CUBN: variants seen among roughly 807,000 people sequenced by gnomAD.
The protein encoded by CUBN is cubilin.
CUBN carries 282 observed loss-of-function variants against 405.3 expected under a neutral mutation model. The observed-to-expected ratio is 0.70, with a 90% CI of 0.63 to 0.77. The LOEUF (loss-of-function observed/expected upper bound fraction) is 0.77. Ranked by LOEUF, CUBN falls within the 30% of genes least tolerant of loss-of-function variation. CUBN has a pLI of 0.00. For synonymous variants in CUBN, 1,684 were observed against 1,617.0 expected (o/e 1.04, Z -0.99); for missense variants, 4,514 against 4,475.2 (o/e 1.01, Z -0.25).
At chr10:17,121,601 A>G (rs955323242) in intron 6 of CUBN, among the ~76,000 whole-genome samples, 1 of 151,582 alleles carries the variant, frequency 6.6e-6, no homozygotes, top group African/African-American at 2.4e-5. Context: ...ATGCTAAATG[A>G]CGAGTTAATG....
intron 46 of CUBN, 101 bp downstream of exon 46, chr10:16,915,720 T>C (rs1841864180): frequency 6.4e-6 from 6 of 938,368 alleles, no homozygotes; most frequent in South Asian, 1.4e-5. Context: ...CTGCAGAGTA[T>C]AGATGTGCTT....
intron 62 of CUBN, among the ~76,000 whole-genome samples, chr10:16,838,645 TTTG>T (rs1002033021): frequency 6.6e-5 from 10 of 152,220 alleles, no homozygotes; most frequent in Non-Finnish European, 1.5e-4. Flanking sequence ...CAAAATGGAT[TTTG>T]TTGTTGTTGT....
chr10:16,954,479 G>A lies in CUBN; in HGVS notation c.4765C>T (p.Pro1589Ser). ...RTCGREQLAN[P>S]IVSSGNSLFL... is the part of the protein sequence containing the mutation. ...AGGCTGTTTCCTGAGGAGACGATGG[G>A]GTTAGCCAGCTGCTCCCTTCCACAC... Residue 1589 changes from proline to serine, a missense_variant, in exon 32 of 67, where the codon CCC becomes TCC. Physicochemically the swap from Pro to Ser is moderately conservative, Grantham distance 74 (BLOSUM62 -1). Coordinates refer to ENST00000377833, the MANE Select transcript of CUBN (RefSeq NM_001081.4). The A allele has an allele frequency of 6.2e-7, 1 of 1,614,064 alleles. No homozygotes were observed. The highest frequency in any genetic ancestry group is 1.7e-5 in the Admixed American group (1 of 59,978).
At chr10:16,844,296 A>T (rs542877839) in intron 60 of CUBN, among the ~76,000 whole-genome samples, 3 of 150,842 alleles carry the variant, frequency 2.0e-5, no homozygotes, top group Non-Finnish European at 2.9e-5. Context: ...GACCTTCCAG[A>T]CCTACAAAAC....
chr10:16,837,803 A>G (rs1021715159), intron 62 of CUBN, among the ~76,000 whole-genome samples: 1 of 152,126 alleles, frequency 6.6e-6, no homozygotes, highest in Admixed American at 6.5e-5. Flanking sequence ...GAAACCCTTG[A>G]TTGTTTCCTG....
At chr10:16,911,606 TTTTA>T (rs1841737030) in intron 48 of CUBN, among the ~76,000 whole-genome samples, 1 of 152,212 alleles carries the variant, frequency 6.6e-6, no homozygotes, top group Admixed American at 6.5e-5. Context: ...TGACTGTAAC[TTTTA>T]TTTGAGATCT....
At chr10:17,018,443 A>G (rs555897124) in intron 28 of CUBN, among the ~76,000 whole-genome samples, 1 of 152,250 alleles carries the variant, frequency 6.6e-6, no homozygotes, top group East Asian at 1.9e-4. Context: ...ATGCGTCCAC[A>G]GTTTTTTCCT....
At chr10:17,030,117 C>T (rs1487300913) in intron 27 of CUBN, among the ~76,000 whole-genome samples, 2 of 152,172 alleles carry the variant, frequency 1.3e-5, no homozygotes, top group Admixed American at 6.5e-5. Context: ...TGTTTCCCAT[C>T]ACCCCCCAGT....
chr10:16,991,617 G>A (rs1295301885), intron 28 of CUBN, among the ~76,000 whole-genome samples: 1 of 142,260 alleles, frequency 7.0e-6, no homozygotes. Context: ...TAACATTTCT[G>A]GGCCTCTTTT....
rs1239850587 is a variant in CUBN at position 16,975,967 on chromosome 10, T to C, written c.4695+6517A>G. Reference sequence around the variant, plus strand: ...TGCTTCAATATTTATTTCACCTTTATTCCTTTTTTTTTTTTTTTTTAACAG... The same window carrying C: ...TGCTTCAATATTTATTTCACCTTTACTCCTTTTTTTTTTTTTTTTTAACAG... On this transcript the variant is annotated intron_variant, in intron 31 of 66. Transcript: ENST00000377833. Among the ~76,000 whole-genome samples, 3 of 136,062 alleles carry C rather than the reference T, an allele frequency of 2.2e-5. No homozygotes were observed. The South Asian group carries it at 6.8e-4, about 31-fold the overall frequency. 89.3% of individuals were successfully genotyped at this position (136,062 alleles called of 152,430 possible).
intron 59 of CUBN, among the ~76,000 whole-genome samples, chr10:16,864,945 C>T (rs560590987): frequency 7.4e-6 from 1 of 135,808 alleles, no homozygotes; most frequent in African/African-American, 2.8e-5. Flanking sequence ...CCACCATGCC[C>T]AGCTTTTTTT....
intron 55 of CUBN, 95 bp from the exon 56 acceptor site, chr10:16,888,661 G>T: frequency 9.5e-7 from 1 of 1,047,234 alleles, no homozygotes; most frequent in Non-Finnish European, 1.5e-6. Context: ...ATTATCTATA[G>T]ACATAGTTCC....
intron 22 of CUBN, 54 bp from the exon 23 acceptor site, chr10:17,047,657 T>C: frequency 6.9e-7 from 1 of 1,451,740 alleles, no homozygotes; most frequent in South Asian, 1.2e-5. Context: ...GATATGTTTA[T>C]AATACATCCA....
chr10:16,954,048 G>C (rs1012007608), intron 32 of CUBN, among the ~76,000 whole-genome samples: 4 of 152,190 alleles, frequency 2.6e-5, no homozygotes, highest in Admixed American at 2.0e-4. Flanking sequence ...TACATTACAA[G>C]CAAGTCTTGT....
At chr10:16,911,069 C>T (rs534214954) in intron 48 of CUBN, among the ~76,000 whole-genome samples, 1 of 152,036 alleles carries the variant, frequency 6.6e-6, no homozygotes, top group Non-Finnish European at 1.5e-5. Context: ...CGTACAAAGG[C>T]TCAAGGAAGG....
At chr10:16,870,389 A>G (rs1840316589) in intron 58 of CUBN, among the ~76,000 whole-genome samples, 1 of 152,170 alleles carries the variant, frequency 6.6e-6, no homozygotes, top group African/African-American at 2.4e-5. Context: ...AGGTCAGGTG[A>G]AGAACAGGAA....
intron 39 of CUBN, among the ~76,000 whole-genome samples, chr10:16,937,222 T>C (rs1298989337): frequency 6.6e-6 from 1 of 152,104 alleles, no homozygotes; most frequent in Admixed American, 6.5e-5. Flanking sequence ...AGAGGAAAAA[T>C]AGTTACTTTT....
intron 47 of CUBN, 81 bp downstream of exon 47, chr10:16,914,951 A>G (rs537468376): frequency 3.1e-6 from 4 of 1,292,598 alleles, no homozygotes; most frequent in African/African-American, 2.9e-5. Context: ...TTGTTTTTCA[A>G]ATATTTTAAC....
At chr10:16,958,079 G>A (rs977431240) in intron 31 of CUBN, among the ~76,000 whole-genome samples, 2 of 152,096 alleles carry the variant, frequency 1.3e-5, no homozygotes, top group African/African-American at 4.8e-5. Flanking sequence ...CAAGGGACAA[G>A]AGGAAATAAG....
Sources: allele counts gnomAD v4.1 joint callset (sites outside exome capture counted in the v4.1 genomes callset), GRCh38; gene constraint gnomAD v4.1.1; transcripts MANE v1.5; gene names NCBI Gene and HGNC (gene_info 2026-07-23, HGNC 2026-07-21).